Variants in ADARB2 observed in about 807,000 individuals in gnomAD.
ADARB2 encodes the protein adenosine deaminase RNA specific B2 (inactive).
ADARB2 carries 25 observed loss-of-function variants against 62.2 expected under a neutral mutation model. That is an observed-to-expected ratio of 0.40 (90% CI 0.29 to 0.56). The LOEUF (loss-of-function observed/expected upper bound fraction) is 0.56. ADARB2 is among the 20% of genes least tolerant of loss of function. The pLI is 0.43. For missense variants in ADARB2, 1,071 were observed against 1,077.4 expected (o/e 0.99, Z 0.08); for synonymous variants, 572 against 500.8 (o/e 1.14, Z -1.90).
In ADARB2 at chr10:1,704,655, C is replaced by A. The variant is rs1342764906; in HGVS notation, c.100+32396G>T. ...GCTGGAGACGTCTGAGTTAAAGCAT[C>A]TAACTCTGGGGTTTTGTGAGGGGTA... On this transcript the variant is annotated intron_variant, in intron 1 of 9. Transcript: ENST00000381312. The surrounding 1 kb of genome is among the most constrained non-coding windows in gnomAD (Gnocchi z 5.6). 6.6e-6 allele frequency among the ~76,000 whole-genome samples: 1 copy of A among 152,170 alleles called. No homozygotes were observed. The highest frequency in any genetic ancestry group is 2.4e-5 in the African/African-American group (1 of 41,436).
At chr10:1,247,673 G>C (rs989179267) in intron 4 of ADARB2, among the ~76,000 whole-genome samples, 2 of 152,152 alleles carry the variant, frequency 1.3e-5, no homozygotes, top group African/African-American at 4.8e-5. Flanking sequence ...GCAAAAACGT[G>C]TCAAAAACAG....
chr10:1,698,912 C>A (rs1337971703), intron 1 of ADARB2, among the ~76,000 whole-genome samples: 1 of 152,202 alleles, frequency 6.6e-6, no homozygotes, highest in Non-Finnish European at 1.5e-5. Context: ...AGGCACCCAC[C>A]ACCAGGCTGA....
chr10:1,510,168 C>CTTTCTTTCTTTCT (rs1564312666), intron 1 of ADARB2, among the ~76,000 whole-genome samples: 1 of 45,934 alleles, frequency 2.2e-5, no homozygotes, highest in African/African-American at 7.9e-5. Context: ...TTCTTTCTTT[C>CTTTCTTTCTTTCT]TTTTTCTTTC....
intron 1 of ADARB2, among the ~76,000 whole-genome samples, chr10:1,518,703 G>A (rs11815763): frequency 0.025 from 3,865 of 151,982 alleles, 156 homozygotes; most frequent in African/African-American, 0.087. Context: ...GTGGTCATAC[G>A]CATTCATTCC....
At chr10:1,392,419 C>G (rs1588242249) in intron 1 of ADARB2, among the ~76,000 whole-genome samples, 1 of 152,190 alleles carries the variant, frequency 6.6e-6, no homozygotes, top group East Asian at 1.9e-4. Context: ...CCCACTTTCT[C>G]CATAGCTGTA....
chr10:1,461,808 T>C (rs749388557), intron 1 of ADARB2, among the ~76,000 whole-genome samples: 5 of 152,122 alleles, frequency 3.3e-5, no homozygotes, highest in Non-Finnish European at 7.3e-5. Context: ...AAGACCATCC[T>C]GGCCAACATG....
intron 1 of ADARB2, among the ~76,000 whole-genome samples, chr10:1,669,167 C>T (rs1330318072): frequency 6.6e-6 from 1 of 152,156 alleles, no homozygotes; most frequent in African/African-American, 2.4e-5. Flanking sequence ...TCCCAGGTGC[C>T]CTACAGGTGA....
intron 1 of ADARB2, among the ~76,000 whole-genome samples, chr10:1,571,803 A>AGGTGAGTAGGCAGGTGATATGCT (rs1832939654): frequency 1.3e-4 from 16 of 123,352 alleles, no homozygotes; most frequent in African/African-American, 3.8e-4. Context: ...GTGAGTGGAC[A>AGGTGAGTAGGCAGGTGATATGCT]GGTGAGTGGA....
chr10:1,574,746 AC>A (rs59964682), intron 1 of ADARB2, among the ~76,000 whole-genome samples: 43,236 of 151,610 alleles, frequency 0.29, 6,312 homozygotes, highest in South Asian at 0.34. Context: ...CTCTGTAAAG[AC>A]CCCACCTCCA....
intron 1 of ADARB2, among the ~76,000 whole-genome samples, chr10:1,701,788 C>T (rs1588358493): frequency 8.0e-6 from 1 of 125,426 alleles, no homozygotes; most frequent in Non-Finnish European, 1.7e-5. Flanking sequence ...CCCACTCCAC[C>T]GGGAGACCGG....
In ADARB2 at chr10:1,646,750, T is replaced by C. The variant is rs61349065; in HGVS notation, c.100+90301A>G. 8.7e-3 allele frequency among the ~76,000 whole-genome samples: 1,326 copies of C among 152,340 alleles called. 16 individuals carry two copies. Among genetic ancestry groups the C allele is most frequent in the East Asian group, 0.045 (235 of 5,180 alleles). On this transcript the variant is annotated intron_variant, in intron 1 of 9. Transcript: ENST00000381312. ...CCCTTTTTGTTCATTTGTTTTCACA[T>C]GTGGGAGGGGGTGTGTGATGTGCTA...
At chr10:1,567,861 G>A (rs1359572454) in intron 1 of ADARB2, among the ~76,000 whole-genome samples, 1 of 152,230 alleles carries the variant, frequency 6.6e-6, no homozygotes, top group East Asian at 1.9e-4. Flanking sequence ...CGAGGCCAAG[G>A]TGTTTAGCAG....
chr10:1,242,358 C>G, intron 4 of ADARB2, 59 bp from the exon 5 acceptor site: 1 of 1,489,728 alleles, frequency 6.7e-7, no homozygotes, highest in South Asian at 1.2e-5. Flanking sequence ...CCCTCCTCCT[C>G]GGTCTTTTCA....
intron 1 of ADARB2, among the ~76,000 whole-genome samples, chr10:1,479,865 G>A (rs1057025638): frequency 1.3e-5 from 2 of 152,150 alleles, no homozygotes; most frequent in African/African-American, 4.8e-5. Flanking sequence ...ACAAAACATC[G>A]AAGGACTCCG....
chr10:1,705,141 C>T (rs912069725), intron 1 of ADARB2, among the ~76,000 whole-genome samples: 6 of 152,196 alleles, frequency 3.9e-5, no homozygotes, highest in Admixed American at 6.5e-5. Flanking sequence ...ATTTTCCAAA[C>T]CTCTGTAGCC....
At chr10:1,552,573 A>T (rs1693906496) in intron 1 of ADARB2, among the ~76,000 whole-genome samples, 1 of 152,138 alleles carries the variant, frequency 6.6e-6, no homozygotes, top group South Asian at 2.1e-4. Flanking sequence ...TCTACTGGGG[A>T]CAGGAGGAGG....
At chr10:1,679,608 G>A (rs544443523) in intron 1 of ADARB2, among the ~76,000 whole-genome samples, 1 of 152,104 alleles carries the variant, frequency 6.6e-6, no homozygotes, top group Non-Finnish European at 1.5e-5. Context: ...TTATGTTAAT[G>A]CCTCATTATG....
At chr10:1,526,062 T>C (rs1564317362) in intron 1 of ADARB2, among the ~76,000 whole-genome samples, 1 of 152,330 alleles carries the variant, frequency 6.6e-6, no homozygotes, top group East Asian at 1.9e-4. Flanking sequence ...GAGGGGCTGT[T>C]GCTCAGGAAG....
At chr10:1,390,648 T>A (rs901838209) in intron 1 of ADARB2, among the ~76,000 whole-genome samples, 2 of 151,304 alleles carry the variant, frequency 1.3e-5, no homozygotes, top group Admixed American at 6.6e-5. Flanking sequence ...TTCCGTTTTC[T>A]TTTTTATTCC....
Sources: gnomAD v4.1 joint callset for allele counts (sites outside exome capture counted in the v4.1 genomes callset) on GRCh38, gnomAD v4.1.1 for gene constraint, Gnocchi (gnomAD v3.1) non-coding constraint, MANE v1.5 for transcripts, NCBI Gene and HGNC (gene_info 2026-07-23, HGNC 2026-07-21) for gene names.